The following CDK5RAP2 variants were observed in gnomAD, a reference collection of about 807,000 sequenced individuals.
The protein encoded by CDK5RAP2 is CDK5 regulatory subunit-associated protein 2.
CDK5RAP2 carries 147 observed loss-of-function variants against 232.9 expected under a neutral mutation model. The ratio of observed to expected loss-of-function variants is 0.63; its 90% CI spans 0.55 to 0.72. CDK5RAP2 has a LOEUF of 0.72. Among genes scored for constraint, CDK5RAP2 ranks in the 30% least tolerant of loss-of-function variants. The probability of loss-of-function intolerance (pLI) is 0.00; values close to 1 mark genes in which losing one functional copy is unlikely to be tolerated. For missense variants in CDK5RAP2, 2,195 were observed against 2,231.5 expected (o/e 0.98, Z 0.33); for synonymous variants, 833 against 833.7 (o/e 1.00, Z 0.01).
intron 19 of CDK5RAP2, among the ~76,000 whole-genome samples, chr9:120,459,945 T>C (rs2036989261): frequency 6.6e-6 from 1 of 152,186 alleles, no homozygotes; most frequent in African/African-American, 2.4e-5. Context: ...TGGAGTCTCC[T>C]ACTTATTTTA....
At chr9:120,494,186 A>G (rs907330362) in intron 12 of CDK5RAP2, among the ~76,000 whole-genome samples, 1 of 148,960 alleles carries the variant, frequency 6.7e-6, no homozygotes, top group African/African-American at 2.6e-5. Context: ...TTGGAAAGAC[A>G]TAGAAATATA....
At chr9:120,421,134 G>C (rs1017792794) in intron 26 of CDK5RAP2, among the ~76,000 whole-genome samples, 1 of 152,124 alleles carries the variant, frequency 6.6e-6, no homozygotes, top group African/African-American at 2.4e-5. Context: ...TTGAGGACCA[G>C]CCCAACAAGA....
intron 32 of CDK5RAP2, among the ~76,000 whole-genome samples, chr9:120,405,044 A>G (rs2033338805): frequency 6.6e-6 from 1 of 152,146 alleles, no homozygotes; most frequent in South Asian, 2.1e-4. Flanking sequence ...AGGGCTTAGG[A>G]TCCCCCTTCC....
intron 12 of CDK5RAP2, among the ~76,000 whole-genome samples, chr9:120,496,400 C>T (rs1175660362): frequency 1.5e-4 from 22 of 142,942 alleles, no homozygotes; most frequent in Middle Eastern, 4.0e-3. Flanking sequence ...TCAGCCCCCC[C>T]GCCCAGCCAG....
chr9:120,453,757 C>G lies in CDK5RAP2; in HGVS notation c.2492G>C (p.Gly831Ala). 1 of 1,614,246 alleles carries G rather than the reference C, an allele frequency of 6.2e-7. No individual in the cohort carries two copies. Among genetic ancestry groups the G allele is most frequent in the South Asian group, 1.1e-5 (1 of 91,088 alleles). ...GGTTTGGACAAAATGTACAAGTTCA[C>G]CTTTTTGCTTAGGTGTCTTCTCAGT... is the stretch of plus-strand genomic sequence containing the variant. Reference protein sequence around the residue: ...GKTEKTPKQKGELVHFVQTNS... With the variant: ...GKTEKTPKQKAELVHFVQTNS... The change falls in exon 21 of 38, where the codon GGT becomes GCT. Residue 831 changes from glycine to alanine, a missense_variant. Transcript: ENST00000349780.
At chr9:120,574,629 A>T (rs1018102668) in intron 1 of CDK5RAP2, among the ~76,000 whole-genome samples, 1 of 152,228 alleles carries the variant, frequency 6.6e-6, no homozygotes, top group Non-Finnish European at 1.5e-5. Context: ...AATAAAGCAC[A>T]ATCTAAGAAA....
At chr9:120,542,761 T>C (rs1204007222) in intron 5 of CDK5RAP2, among the ~76,000 whole-genome samples, 1 of 152,204 alleles carries the variant, frequency 6.6e-6, no homozygotes, top group East Asian at 1.9e-4. Context: ...CTCAAGACTT[T>C]CCCAGCTCCC....
At chr9:120,427,785 T>C (rs2035010902) in intron 25 of CDK5RAP2, among the ~76,000 whole-genome samples, 1 of 152,084 alleles carries the variant, frequency 6.6e-6, no homozygotes, top group South Asian at 2.1e-4. Context: ...ACAGAAATGT[T>C]TGATCAACAG....
chr9:120,496,126 C>A (rs1588484640), intron 12 of CDK5RAP2, among the ~76,000 whole-genome samples: 8 of 82,444 alleles, frequency 9.7e-5, no homozygotes, highest in South Asian at 5.6e-4. Flanking sequence ...CCCCTCTGCC[C>A]GGCCAGCCGC....
At chr9:120,474,346 G>T (rs1241103130) in intron 15 of CDK5RAP2, among the ~76,000 whole-genome samples, 1 of 152,066 alleles carries the variant, frequency 6.6e-6, no homozygotes, top group African/African-American at 2.4e-5. Flanking sequence ...GCCCCCACCC[G>T]CCAGGGGACA....
At chr9:120,413,827 GGGAGGAGGGAGGAGGGAAGGA>G (rs2034022372) in intron 28 of CDK5RAP2, among the ~76,000 whole-genome samples, 2 of 146,018 alleles carry the variant, frequency 1.4e-5, no homozygotes, top group South Asian at 4.3e-4. Flanking sequence ...GGAGGGAGGA[GGGAGGAGGGAGGAGGGAAGGA>G]GGAGGGAGGG....
intron 14 of CDK5RAP2, among the ~76,000 whole-genome samples, chr9:120,483,207 G>A (rs1196536296): frequency 6.6e-6 from 1 of 152,218 alleles, no homozygotes; most frequent in Non-Finnish European, 1.5e-5. Context: ...AGCCCTTGGA[G>A]TGACCACCCC....
intron 12 of CDK5RAP2, among the ~76,000 whole-genome samples, chr9:120,518,226 A>G (rs1389636159): frequency 6.7e-6 from 1 of 149,622 alleles, no homozygotes; most frequent in East Asian, 1.9e-4. Context: ...AGAGAGAGAG[A>G]GAGAGAGAGA....
In CDK5RAP2 at chr9:120,571,519, T is replaced by C. The variant is rs1243465291; in HGVS notation, c.127+455A>G. On this transcript the variant is annotated intron_variant, in intron 2 of 37. Transcript: ENST00000349780. ...ATTTACTCAGAGCCGTCTCCTGTGG[T>C]CTAACCAGCTATTTGTCTCCAAAGG... 2.6e-5 allele frequency among the ~76,000 whole-genome samples: 4 copies of C among 152,210 alleles called. No homozygotes were observed. The East Asian group carries it at 7.7e-4, about 29-fold the overall frequency.
At chr9:120,564,341 T>C (rs1235010416) in intron 3 of CDK5RAP2, among the ~76,000 whole-genome samples, 3 of 151,826 alleles carry the variant, frequency 2.0e-5, no homozygotes, top group Admixed American at 2.0e-4. Context: ...ATACAAAAAA[T>C]TAGCCAGGCA....
intron 12 of CDK5RAP2, among the ~76,000 whole-genome samples, chr9:120,511,943 G>C (rs114691073): frequency 6.6e-6 from 1 of 151,946 alleles, no homozygotes; most frequent in East Asian, 1.9e-4. Flanking sequence ...TCACCATGTC[G>C]ACCAGGCTGG....
intron 3 of CDK5RAP2, among the ~76,000 whole-genome samples, chr9:120,562,895 G>C (rs2042511991): frequency 6.6e-6 from 1 of 151,992 alleles, no homozygotes; most frequent in South Asian, 2.1e-4. Flanking sequence ...CCAAAATTTG[G>C]AGCTTTAGTA....
At chr9:120,526,446 A>G (rs1564340067) in intron 10 of CDK5RAP2, among the ~76,000 whole-genome samples, 1 of 152,148 alleles carries the variant, frequency 6.6e-6, no homozygotes, top group Non-Finnish European at 1.5e-5. Flanking sequence ...CTGAAGTCCT[A>G]CATCTAATCC....
At chr9:120,438,935 AT>A in intron 24 of CDK5RAP2, among the ~76,000 whole-genome samples, 1 of 152,112 alleles carries the variant, frequency 6.6e-6, no homozygotes. Flanking sequence ...ACACAAGCTT[AT>A]TTCTCTAAGA....
Sources: gnomAD v4.1 joint callset for allele counts (sites outside exome capture counted in the v4.1 genomes callset) on GRCh38, gnomAD v4.1.1 for gene constraint, MANE v1.5 for transcripts, NCBI Gene and HGNC (gene_info 2026-07-23, HGNC 2026-07-21) for gene names.